DUSP8: variants seen among roughly 807,000 people sequenced by gnomAD.
The protein encoded by DUSP8 is dual specificity protein phosphatase 8.
In DUSP8, 15 loss-of-function variants were observed where a neutral mutation model predicts 38.7. The observed-to-expected ratio is 0.39, with a 90% CI of 0.26 to 0.60. DUSP8 has a LOEUF of 0.60. Ranked by LOEUF, DUSP8 falls within the 20% of genes least tolerant of loss-of-function variation. DUSP8 has a pLI of 0.56. For missense variants in DUSP8, 768 were observed against 915.0 expected, an observed-to-expected ratio of 0.84 and a Z score of 2.07; for synonymous variants, 458 against 433.9, an observed-to-expected ratio of 1.06 and a Z score of -0.69.
chr11:1,560,626 C>T (rs1049930249), intron 3 of DUSP8, among the ~76,000 whole-genome samples: 1 of 152,206 alleles, frequency 6.6e-6, no homozygotes, highest in Admixed American at 6.5e-5. Flanking sequence ...TGACTTGTCA[C>T]CAACGACGCC....
intron 3 of DUSP8, among the ~76,000 whole-genome samples, chr11:1,559,991 A>C (rs1054180727): frequency 2.0e-5 from 3 of 152,170 alleles, no homozygotes; most frequent in Non-Finnish European, 2.9e-5. Flanking sequence ...AATGAGCACG[A>C]AGACACATGG....
Position 1,555,470 on chromosome 11 carries a change from G to A in DUSP8, c.*1048C>T. 1.0e-6 allele frequency: 1 copy of A among 982,452 alleles called. No homozygotes were observed. Among genetic ancestry groups the A allele is most frequent in the Non-Finnish European group, 1.2e-6 (1 of 827,022 alleles). 60.9% of individuals were successfully genotyped at this position (982,452 alleles called of 1,614,324 possible). ...GGTGCACACCTGAATTCCAAGTTCT[G>A]CCTGGGGCATGGCTGGGAGGGGGGC... On this transcript the variant is annotated 3_prime_UTR_variant, in exon 7 of 7. Coordinates refer to ENST00000397374, the MANE Select transcript of DUSP8 (RefSeq NM_004420.3).
In DUSP8 at chr11:1,556,438, T is replaced by C; in HGVS notation, c.*80A>G. On this transcript the variant is annotated 3_prime_UTR_variant, in exon 7 of 7. Coordinates refer to ENST00000397374, the MANE Select transcript of DUSP8 (RefSeq NM_004420.3). The surrounding 1 kb of genome is among the most constrained non-coding windows in gnomAD (Gnocchi z 5.2). ...TCGATAAAAATCCCAGTAAAACCAT[T>C]TACCTTTCTTTGCATTATATATAAT... The C allele has an allele frequency of 8.1e-7, 1 of 1,229,168 alleles. No individual in the cohort carries two copies. The highest frequency in any genetic ancestry group is 1.0e-6 in the Non-Finnish European group (1 of 985,982). The allele number at this position is 1,229,168 out of a possible 1,614,324, so 76.1% of individuals were successfully genotyped here. A position where few individuals can be genotyped will look rare whatever the true frequency, so the allele number is the denominator to read the frequency against.
At chr11:1,559,414 G>A (rs1034469308) in intron 3 of DUSP8, 4 of 311,924 alleles carry the variant, frequency 1.3e-5, no homozygotes, top group Non-Finnish European at 1.8e-5. Flanking sequence ...GGCCACAGGG[G>A]TCTCCTGCTG....
Position 1,557,753 on chromosome 11 carries a change from G to A in DUSP8, c.821+41C>T, listed in dbSNP as rs533179997. ...AGTGGGCAGCCGGGGGAAGGGAAGC[G>A]ACGCTGTGAGCCACAAGTGCGCGAC... is the stretch of plus-strand genomic sequence containing the variant. On this transcript the variant is annotated intron_variant, in intron 6 of 6. Transcript: ENST00000397374. The surrounding 1 kb of genome is among the most constrained non-coding windows in gnomAD (Gnocchi z 9.9). 94 of 1,610,722 alleles carry A rather than the reference G, an allele frequency of 5.8e-5. No homozygotes were observed. Among genetic ancestry groups the A allele is most frequent in the African/African-American group, 8.0e-5 (6 of 74,988 alleles).
At position 1,555,063 on chromosome 11, in the gene DUSP8, T is replaced by G; in HGVS notation, c.*1455A>C. 1 of 986,536 alleles carries G rather than the reference T, an allele frequency of 1.0e-6. No homozygotes were observed. Among genetic ancestry groups the G allele is most frequent in the Non-Finnish European group, 1.2e-6 (1 of 830,078 alleles). The allele number at this position is 986,536 out of a possible 1,614,324, so 61.1% of individuals were successfully genotyped here. A position where few individuals can be genotyped will look rare whatever the true frequency, so the allele number is the denominator to read the frequency against. On this transcript the variant is annotated 3_prime_UTR_variant, in exon 7 of 7. Coordinates refer to ENST00000397374, the MANE Select transcript of DUSP8 (RefSeq NM_004420.3). ...CAGGACTCAGGACTGGGTCCTGCCC[T>G]GGGCTGCCTCTCCGGCCAAGCCCCT...
At chr11:1,559,117 G>A (rs2133433837) in intron 3 of DUSP8, 62 bp from the exon 4 acceptor site, 4 of 1,532,284 alleles carry the variant, frequency 2.6e-6, no homozygotes, top group African/African-American at 1.4e-5. Flanking sequence ...TCCGCCTAGG[G>A]TGCCCTGTCC....
chr11:1,563,940 C>A lies in DUSP8; in HGVS notation c.281G>T (p.Arg94Leu). 1.3e-6 allele frequency: 2 copies of A among 1,541,420 alleles called. No individual in the cohort carries two copies. Among genetic ancestry groups the A allele is most frequent in the Non-Finnish European group, 1.8e-6 (2 of 1,141,448 alleles). ...GTCTGCGGCCAGCACGCTGGCGTCC[C>A]GCGTGCTCTGGTCATAGACCACCAC... ...QDVVVYDQST[R>L]DASVLAADSF... Residue 94 changes from arginine to leucine, a missense_variant, in exon 3 of 7, where the codon CGG becomes CTG. Transcript: ENST00000397374.
At chr11:1,571,494 A>C (rs1481760694) in intron 1 of DUSP8, 1 of 152,120 alleles carries the variant, frequency 6.6e-6, no homozygotes, top group East Asian at 1.9e-4. Flanking sequence ...ACTCCGGGCC[A>C]GGGTCCGCCT....
At chr11:1,564,386 C>A (rs1034034493) in intron 2 of DUSP8, among the ~76,000 whole-genome samples, 1 of 152,208 alleles carries the variant, frequency 6.6e-6, no homozygotes, top group Admixed American at 6.5e-5. Flanking sequence ...AGAAGCTCGG[C>A]CCTGAAACGC....
intron 1 of DUSP8, among the ~76,000 whole-genome samples, chr11:1,567,794 C>G (rs531394027): frequency 2.0e-5 from 3 of 152,188 alleles, no homozygotes; most frequent in Admixed American, 6.5e-5. Context: ...GGGTGGGGAA[C>G]GAGGCCTGGG....
Position 1,557,409 on chromosome 11 carries a change from C to A in DUSP8, c.987G>T (p.Leu329=). ...CTGAGGTAGGTGGTGGCAGCCGTGG[C>A]AGCGGGGCCCCGGCGGCAGGACTGG... ...PPPSPAAGAP[L]PRLPPPTSES... The change falls in exon 7 of 7, where the codon CTG becomes CTT. Residue 329 remains leucine (L), a synonymous_variant. Coordinates refer to ENST00000397374, the MANE Select transcript of DUSP8 (RefSeq NM_004420.3). This position sits in a 1 kb window ranked among gnomAD's most constrained non-coding sequence, Gnocchi z 9.9. The A allele has an allele frequency of 6.4e-7, 1 of 1,567,244 alleles. No individual in the cohort carries two copies. The highest frequency in any genetic ancestry group is 1.1e-5 in the South Asian group (1 of 87,384).
At chr11:1,559,101 TC>T (rs780327944) in intron 3 of DUSP8, 46 bp from the exon 4 acceptor site, 1 of 1,576,076 alleles carries the variant, frequency 6.3e-7, no homozygotes, top group Admixed American at 1.8e-5. Flanking sequence ...CACCTAGGGC[TC>T]CCTGTCCGCC....
At position 1,555,369 on chromosome 11, in the gene DUSP8, C is replaced by T; in HGVS notation, c.*1149G>A. ...CTCCCTAAGTGAAGCAGGCCTATCC[C>T]AGCAGCACAGGGGCTTGGCTGGCGC... On this transcript the variant is annotated 3_prime_UTR_variant, in exon 7 of 7. Coordinates refer to ENST00000397374, the MANE Select transcript of DUSP8 (RefSeq NM_004420.3). The T allele has an allele frequency of 1.0e-6, 1 of 987,532 alleles. No homozygotes were observed. Among genetic ancestry groups the T allele is most frequent in the Non-Finnish European group, 1.2e-6 (1 of 830,146 alleles). 61.2% of individuals were successfully genotyped at this position (987,532 alleles called of 1,614,324 possible). A position where few individuals can be genotyped will look rare whatever the true frequency, so the allele number is the denominator to read the frequency against.
At chr11:1,572,372 C>CG (rs1298124508), upstream of DUSP8, among the ~76,000 whole-genome samples, 1 of 113,712 alleles carries the variant, frequency 8.8e-6, no homozygotes, top group Admixed American at 1.2e-4. The surrounding 1 kb of genome is among the most constrained non-coding windows in gnomAD (Gnocchi z 4.7). Flanking sequence ...GCGCGCGGCT[C>CG]GGGGGCAGGT....
Position 1,558,317 on chromosome 11 carries a change from G to T in DUSP8, c.538-46C>A. On this transcript the variant is annotated intron_variant, in intron 4 of 6. Coordinates refer to ENST00000397374, the MANE Select transcript of DUSP8 (RefSeq NM_004420.3). The surrounding 1 kb of genome is among the most constrained non-coding windows in gnomAD (Gnocchi z 6.3). The stretch of plus-strand genomic sequence containing the variant: ...GTTGGAAAGGGGTGGGAGAAGCTCG[G>T]GGCGGGAGTGAAGGTGGAGGCTTTT... The T allele has an allele frequency of 2.1e-6, 3 of 1,399,524 alleles. No individual in the cohort carries two copies. The highest frequency in any genetic ancestry group is 2.6e-5 in the South Asian group (2 of 77,326). 86.7% of individuals were successfully genotyped at this position (1,399,524 alleles called of 1,614,324 possible).
chr11:1,566,297 C>T (rs1333926670), intron 1 of DUSP8, among the ~76,000 whole-genome samples: 1 of 152,080 alleles, frequency 6.6e-6, no homozygotes, highest in Non-Finnish European at 1.5e-5. Context: ...ACCACAGGAC[C>T]CCCAGCAAGT....
intron 1 of DUSP8, among the ~76,000 whole-genome samples, chr11:1,568,985 T>TG: frequency 6.6e-6 from 1 of 151,546 alleles, no homozygotes; most frequent in Non-Finnish European, 1.5e-5. Context: ...TTGGGTGGGG[T>TG]GGGGAGCAGA....
At chr11:1,568,382 G>A (rs544602253) in intron 1 of DUSP8, among the ~76,000 whole-genome samples, 114 of 152,172 alleles carry the variant, frequency 7.5e-4, no homozygotes, top group Non-Finnish European at 1.4e-3. Flanking sequence ...GGGCTGGAGG[G>A]GCGGGAGGAC....
Sources: allele counts gnomAD v4.1 joint callset (sites outside exome capture counted in the v4.1 genomes callset), GRCh38; gene constraint gnomAD v4.1.1; non-coding constraint Gnocchi (gnomAD v3.1); transcripts MANE v1.5; gene names NCBI Gene and HGNC (gene_info 2026-07-23, HGNC 2026-07-21).